The following DZIP1 variants were observed in gnomAD, a reference collection of about 807,000 sequenced individuals.
DZIP1 encodes DAZ interacting zinc finger protein 1.
A neutral mutation model predicts 107.6 loss-of-function variants in DZIP1; 97 were observed. The observed-to-expected ratio is 0.90, with a 90% CI of 0.77 to 1.07. The LOEUF (loss-of-function observed/expected upper bound fraction) is 1.07. Ranked by LOEUF, DZIP1 falls within the 50% of genes least tolerant of loss-of-function variation. The pLI, the probability that DZIP1 is intolerant of heterozygous loss-of-function variation, is 0.00. For missense variants in DZIP1, 1,035 were observed against 1,063.6 expected, an observed-to-expected ratio of 0.97 and a Z score of 0.37; for synonymous variants, 390 against 386.4, an observed-to-expected ratio of 1.01 and a Z score of -0.11.
chr13:95,634,003 C>A (rs944212347), intron 5 of DZIP1, among the ~76,000 whole-genome samples: 22 of 152,178 alleles, frequency 1.4e-4, no homozygotes, highest in Non-Finnish European at 2.6e-4. Flanking sequence ...TGAAAACTAC[C>A]TCTTGACAGT....
At chr13:95,613,006 G>A (rs2045063129) in intron 10 of DZIP1, among the ~76,000 whole-genome samples, 1 of 151,928 alleles carries the variant, frequency 6.6e-6, no homozygotes, top group African/African-American at 2.4e-5. Flanking sequence ...GGGGATTAGA[G>A]GGAAAGAGGG....
At chr13:95,611,991 C>T in intron 11 of DZIP1, 46 bp downstream of exon 11, 2 of 1,598,790 alleles carry the variant, frequency 1.3e-6, no homozygotes, top group Non-Finnish European at 1.7e-6. Context: ...CTTAGATAGA[C>T]TGCGTTGCTT....
chr13:95,622,210 G>A, intron 9 of DZIP1, 133 bp downstream of exon 9: 1 of 1,159,936 alleles, frequency 8.6e-7, no homozygotes, highest in Non-Finnish European at 1.2e-6. Flanking sequence ...TGCTGTAGGA[G>A]AAAAATAACA....
At chr13:95,593,154 AATC>A (rs1017505735) in intron 16 of DZIP1, among the ~76,000 whole-genome samples, 3 of 152,356 alleles carry the variant, frequency 2.0e-5, no homozygotes, top group African/African-American at 4.8e-5. Flanking sequence ...AAACATACAC[AATC>A]ATCTATATAC....
intron 7 of DZIP1, among the ~76,000 whole-genome samples, chr13:95,626,550 A>G (rs1876562821): frequency 6.6e-6 from 1 of 152,204 alleles, no homozygotes; most frequent in African/African-American, 2.4e-5. Context: ...TTAGTAATCA[A>G]CAACCTCCTA....
chr13:95,601,119 C>T (rs2044606878), intron 14 of DZIP1, among the ~76,000 whole-genome samples: 1 of 152,132 alleles, frequency 6.6e-6, no homozygotes, highest in Non-Finnish European at 1.5e-5. Context: ...ACTTATTTCT[C>T]TAGAGTCAGG....
At chr13:95,629,937 G>C in intron 7 of DZIP1, 52 bp downstream of exon 7, 1 of 1,522,476 alleles carries the variant, frequency 6.6e-7, no homozygotes, top group South Asian at 1.3e-5. Flanking sequence ...TGGCATAATT[G>C]AATTACATAC....
chr13:95,587,664 G>C lies in DZIP1; in HGVS notation c.2093C>G (p.Pro698Arg), dbSNP rs2044199158. ...DDDLIRAYAS[P>R]GPLPVPPPQN... ...TGGTGGCGGCACAGGAAGTGGGCCT[G>C]GGGATGCGTATGCCCGGATGAGGTC... Residue 698 changes from proline to arginine, a missense_variant, in exon 20 of 23, where the codon CCA becomes CGA. Pro to Arg is a moderately radical substitution (Grantham distance 103). Transcript: ENST00000376829. The C allele has an allele frequency of 1.2e-6, 2 of 1,614,132 alleles. No homozygotes were observed. Among genetic ancestry groups the C allele is most frequent in the East Asian group, 4.5e-5 (2 of 44,878 alleles).
chr13:95,630,544 G>A (rs534729436), intron 6 of DZIP1, among the ~76,000 whole-genome samples: 128 of 151,280 alleles, frequency 8.5e-4, no homozygotes, highest in African/African-American at 2.1e-3. Flanking sequence ...TTAGGTGCCC[G>A]CTGAACTCTT....
intron 7 of DZIP1, 77 bp from the exon 8 acceptor site, chr13:95,625,006 G>T: frequency 7.7e-7 from 1 of 1,294,486 alleles, no homozygotes; most frequent in Non-Finnish European, 1.0e-6. Flanking sequence ...AAAGTTCATA[G>T]CATCACTTCA....
In DZIP1 at chr13:95,580,011, T is replaced by C. The variant is rs1260042463; in HGVS notation, c.*2223A>G. 1.3e-5 allele frequency: 2 copies of C among 152,076 alleles called. No homozygotes were observed. Among genetic ancestry groups the C allele is most frequent in the Non-Finnish European group, 2.9e-5 (2 of 68,008 alleles). The allele number at this position is 152,076 out of a possible 1,614,324, so 9.4% of individuals were successfully genotyped here. Reference sequence around the variant, plus strand: ...GGGCAACATAAAGGAATGGTTCCCCTCAAAAACGAACAAACCAAATTTTAT... The same window carrying C: ...GGGCAACATAAAGGAATGGTTCCCCCCAAAAACGAACAAACCAAATTTTAT... On this transcript the variant is annotated 3_prime_UTR_variant, in exon 23 of 23. Coordinates refer to ENST00000376829, the MANE Select transcript of DZIP1 (RefSeq NM_198968.4).
chr13:95,644,646 T>A lies in DZIP1; in HGVS notation c.-795A>T, dbSNP rs954505280. Reference sequence around the variant, plus strand: ...GACGACTCAGGATACCCCACCCCCCTCCCGCCCCCTCCCCTCCGCGATCTC... The same window carrying A: ...GACGACTCAGGATACCCCACCCCCCACCCGCCCCCTCCCCTCCGCGATCTC... On this transcript the variant is annotated 5_prime_UTR_variant, in exon 1 of 23. Coordinates refer to ENST00000376829, the MANE Select transcript of DZIP1 (RefSeq NM_198968.4). 1.5e-5 allele frequency: 1 copy of A among 65,012 alleles called. No individual in the cohort carries two copies. The highest frequency in any genetic ancestry group is 3.3e-5 in the Non-Finnish European group (1 of 30,226). 4.0% of individuals were successfully genotyped at this position (65,012 alleles called of 1,614,324 possible).
intron 5 of DZIP1, among the ~76,000 whole-genome samples, chr13:95,635,472 C>T (rs1877691270): frequency 6.6e-6 from 1 of 152,158 alleles, no homozygotes; most frequent in Non-Finnish European, 1.5e-5. Context: ...GCTGGAATTA[C>T]AGGTGTAACC....
intron 13 of DZIP1, among the ~76,000 whole-genome samples, chr13:95,607,568 G>A (rs1020160529): frequency 2.0e-5 from 3 of 152,070 alleles, no homozygotes; most frequent in African/African-American, 4.8e-5. Context: ...CTTCACTTAC[G>A]TGTTGTCTAT....
Position 95,579,440 on chromosome 13 carries a change from T to C in DZIP1, c.*2794A>G, listed in dbSNP as rs972555573. The C allele has an allele frequency of 1.3e-5, 2 of 152,208 alleles. No individual in the cohort carries two copies. Among genetic ancestry groups the C allele is most frequent in the Non-Finnish European group, 2.9e-5 (2 of 68,042 alleles). 9.4% of individuals were successfully genotyped at this position (152,208 alleles called of 1,614,324 possible). On this transcript the variant is annotated 3_prime_UTR_variant, in exon 23 of 23. Transcript: ENST00000376829. ...CAGCCATCCTAGGAGATACATATTG[T>C]TTTCATCCTGCATTTACAGAAAAAG...
intron 13 of DZIP1, 113 bp from the exon 14 acceptor site, chr13:95,606,172 A>T: frequency 1.2e-6 from 1 of 836,440 alleles, no homozygotes; most frequent in Non-Finnish European, 1.9e-6. Context: ...ACAGACCATA[A>T]GGAACAAATA....
At chr13:95,635,580 T>A (rs1469716205) in intron 5 of DZIP1, among the ~76,000 whole-genome samples, 1 of 152,060 alleles carries the variant, frequency 6.6e-6, no homozygotes, top group East Asian at 1.9e-4. Flanking sequence ...ACAGCTTTGG[T>A]TCACCTATAG....
chr13:95,637,854 A>G (rs543208178), intron 5 of DZIP1, among the ~76,000 whole-genome samples: 17 of 152,322 alleles, frequency 1.1e-4, no homozygotes, highest in Non-Finnish European at 2.5e-4. Context: ...GTACAGATCT[A>G]TAAGTATAAT....
intron 6 of DZIP1, among the ~76,000 whole-genome samples, chr13:95,632,524 C>G (rs1205008655): frequency 2.2e-4 from 34 of 152,096 alleles, no homozygotes; most frequent in Admixed American, 2.2e-3. Flanking sequence ...GCAGCCTCCT[C>G]CCCTCACTCA....
Sources: allele counts gnomAD v4.1 joint callset (sites outside exome capture counted in the v4.1 genomes callset), GRCh38; gene constraint gnomAD v4.1.1; transcripts MANE v1.5; gene names NCBI Gene and HGNC (gene_info 2026-07-23, HGNC 2026-07-21).